The following PBXIP1 variants were observed in gnomAD, a reference collection of about 807,000 sequenced individuals.
PBXIP1 encodes PBX homeobox interacting protein 1, also known as pre-B-cell leukemia transcription factor-interacting protein 1.
PBXIP1 carries 73 observed loss-of-function variants against 73.7 expected under a neutral mutation model. The ratio of observed to expected loss-of-function variants is 0.99; its 90% CI spans 0.82 to 1.20. The LOEUF (loss-of-function observed/expected upper bound fraction) is 1.20, where lower values mean the gene tolerates loss of function less well. Among genes scored for constraint, PBXIP1 ranks in the 50% most tolerant of loss-of-function variants. The pLI is 0.00. For missense variants in PBXIP1, 818 were observed against 911.4 expected (o/e 0.90, Z 1.32); for synonymous variants, 330 against 366.9 (o/e 0.90, Z 1.15).
rs189822995 is a variant in PBXIP1, at chr1:154,944,141, T to C, written c.*883A>G. On this transcript the variant is annotated 3_prime_UTR_variant, in exon 11 of 11. Coordinates refer to ENST00000368463, the MANE Select transcript of PBXIP1 (RefSeq NM_020524.4). ...GCCCTTCCATCGCCTTTTTTGAGGA[T>C]AAGAAACCCAAAGTTCCCAGAGATT... 1.3e-5 allele frequency: 2 copies of C among 152,398 alleles called. No homozygotes were observed. Among genetic ancestry groups the C allele is most frequent in the African/African-American group, 4.8e-5 (2 of 41,556 alleles). 9.4% of individuals were successfully genotyped at this position (152,398 alleles called of 1,614,324 possible). A position where few individuals can be genotyped will look rare whatever the true frequency, so the allele number is the denominator to read the frequency against.
chr1:154,949,988 A>ATTTAT (rs575712181), intron 5 of PBXIP1, among the ~76,000 whole-genome samples: 3,277 of 151,138 alleles, frequency 0.022, 103 homozygotes, highest in African/African-American at 0.071. Flanking sequence ...TTTTATTTTT[A>ATTTAT]TTTATTTTAT....
intron 10 of PBXIP1, 43 bp downstream of exon 10, chr1:154,945,529 C>G (rs190014189): frequency 6.3e-7 from 1 of 1,575,082 alleles, no homozygotes; most frequent in East Asian, 2.2e-5. Flanking sequence ...ATCCTCCCGA[C>G]TGCCTCTGTC....
intron 9 of PBXIP1, chr1:154,947,179 A>T: frequency 1.6e-6 from 1 of 613,572 alleles, no homozygotes; most frequent in South Asian, 2.0e-5. Context: ...ACACCAATCA[A>T]TCACAGGTGA....
At position 154,946,007 on chromosome 1, in the gene PBXIP1, T is replaced by C. The variant is rs1379013982; in HGVS notation, c.1667A>G (p.Lys556Arg). 2 of 1,614,040 alleles carry C rather than the reference T, an allele frequency of 1.2e-6. No homozygotes were observed. The highest frequency in any genetic ancestry group is 2.7e-5 in the African/African-American group (2 of 74,938). ...AGTCCCTTCCCTCCACCGAGGTTGC[T>C]TCTGCTTTTCTCCAGAGGAGTGGAA... ...GSFHSSGEKQ[K>R]QPRWREGTKD... The change falls in exon 10 of 11, where the codon AAG becomes AGG. Residue 556 changes from lysine to arginine, a missense_variant. Transcript: ENST00000368463.
At chr1:154,953,809 A>G (rs1655088850) in intron 1 of PBXIP1, 52 bp from the exon 2 acceptor site, 1 of 1,205,514 alleles carries the variant, frequency 8.3e-7, no homozygotes, top group Non-Finnish European at 1.2e-6. Context: ...GAGGGGCAGA[A>G]TGCAGAAAGC....
chr1:154,945,502 TGA>T lies in PBXIP1; in HGVS notation c.2102+68_2102+69del, dbSNP rs1331992488. The T allele has an allele frequency of 3.8e-5, 56 of 1,468,724 alleles. No individual in the cohort carries two copies. In the East Asian group the frequency reaches 1.2e-3, roughly 32 times the overall value. 91.0% of individuals were successfully genotyped at this position (1,468,724 alleles called of 1,614,324 possible). A position where few individuals can be genotyped will look rare whatever the true frequency, so the allele number is the denominator to read the frequency against. ...CCAAAAGTAAGGATACTCAAACTAA[TGA>T]TCCTTGCTCTTCACATCCTCCCGAC... On this transcript the variant is annotated intron_variant, in intron 10 of 10. Coordinates refer to ENST00000368463, the MANE Select transcript of PBXIP1 (RefSeq NM_020524.4).
At position 154,953,696 on chromosome 1, in the gene PBXIP1, T is replaced by C; in HGVS notation, c.26A>G (p.Asn9Ser). The C allele has an allele frequency of 6.2e-7, 1 of 1,613,312 alleles. No homozygotes were observed. Residue 9 changes from asparagine to serine, a missense_variant, in exon 2 of 11, where the codon AAT (asparagine) becomes AGT (serine). Asn to Ser is a conservative substitution (Grantham distance 46). Transcript: ENST00000368463. ...CTCGGAGCCAGCAAGCACCCAGCTATTATCAGAGTCTGGGCAGGAGGCCAT... is the reference window on the plus strand; with the variant it reads ...CTCGGAGCCAGCAAGCACCCAGCTACTATCAGAGTCTGGGCAGGAGGCCAT... MASCPDSD[N>S]SWVLAGSESL...
At chr1:154,953,835 C>T (rs1374845345) in intron 1 of PBXIP1, 78 bp from the exon 2 acceptor site, 2 of 924,438 alleles carry the variant, frequency 2.2e-6, no homozygotes, top group African/African-American at 3.3e-5. Context: ...TGGCTGGGTT[C>T]CAAGGTTCAA....
rs765786223 is a variant in PBXIP1, at chr1:154,946,471, C to T, written c.1203G>A (p.Gln401=). 1.9e-6 allele frequency: 3 copies of T among 1,608,532 alleles called. No homozygotes were observed. The South Asian group carries it at 3.3e-5, about 18-fold the overall frequency. Reference sequence around the variant, plus strand: ...GCTGTACAGACCCCAGCAGCCGTCGCTGCCTCTCTAACTCTTGCCTTAATG... The same window carrying T: ...GCTGTACAGACCCCAGCAGCCGTCGTTGCCTCTCTAACTCTTGCCTTAATG... ...AQALRQELER[Q]RRLLGSVQQD... The change falls in exon 10 of 11, where the codon CAG becomes CAA. Residue 401 remains glutamine, a synonymous_variant. Coordinates refer to ENST00000368463, the MANE Select transcript of PBXIP1 (RefSeq NM_020524.4).
intron 7 of PBXIP1, 122 bp downstream of exon 7, chr1:154,947,860 G>T: frequency 7.3e-7 from 1 of 1,361,904 alleles, no homozygotes; most frequent in Non-Finnish European, 1.0e-6. Context: ...GGGGCACCCT[G>T]AACAGCTGAC....
rs1195020492 is a variant in PBXIP1, at chr1:154,952,036, C to T, written c.52-115G>A. 6.1e-6 allele frequency: 7 copies of T among 1,144,050 alleles called. No individual in the cohort carries two copies. The Admixed American group carries it at 8.0e-5, about 13-fold the overall frequency. 70.9% of individuals were successfully genotyped at this position (1,144,050 alleles called of 1,614,324 possible). A position where few individuals can be genotyped will look rare whatever the true frequency, so the allele number is the denominator to read the frequency against. On this transcript the variant is annotated intron_variant, in intron 2 of 10. Transcript: ENST00000368463. ...GCCCAAAAAGGGGCTCGGGGCAGCACCAAGTGCTCGGCATTCCCCAGCCTC... is the reference window on the plus strand; with the variant it reads ...GCCCAAAAAGGGGCTCGGGGCAGCATCAAGTGCTCGGCATTCCCCAGCCTC...
At position 154,947,404 on chromosome 1, in the gene PBXIP1, TGCCTGTGCCCACCTGCAGCTGG is replaced by T; in HGVS notation, c.861_870+12del. 6.2e-7 allele frequency: 1 copy of T among 1,614,000 alleles called. No individual in the cohort carries two copies. The highest frequency in any genetic ancestry group is 8.5e-7 in the Non-Finnish European group (1 of 1,179,934). On this transcript the variant is annotated splice_donor_variant and splice_donor_5th_base_variant and coding_sequence_variant and intron_variant, in exon 9 of 11. Transcript: ENST00000368463. LOFTEE classifies it high-confidence loss of function. Reference sequence around the variant, plus strand: ...TGGGTTACCCTAGCCCAGCCCCTCCTGCCTGTGCCCACCTGCAGCTGGGCCTGCAGCAGCCGGATGTCCTGGT... The same window carrying T: ...TGGGTTACCCTAGCCCAGCCCCTCCTGCCTGCAGCAGCCGGATGTCCTGGT...
At position 154,951,670 on chromosome 1, in the gene PBXIP1, T is replaced by C. The variant is rs1011524947; in HGVS notation, c.178+125A>G. 4.9e-6 allele frequency: 7 copies of C among 1,417,864 alleles called. No homozygotes were observed. The highest frequency in any genetic ancestry group is 6.9e-6 in the Non-Finnish European group (7 of 1,011,900). 87.8% of individuals were successfully genotyped at this position (1,417,864 alleles called of 1,614,324 possible). A position where few individuals can be genotyped will look rare whatever the true frequency, so the allele number is the denominator to read the frequency against. ...CCAGGATGGAATGAGAAAAGGAGTTTGTCAACTGAGATTAATGGAGGAACT... is the reference window on the plus strand; with the variant it reads ...CCAGGATGGAATGAGAAAAGGAGTTCGTCAACTGAGATTAATGGAGGAACT... On this transcript the variant is annotated intron_variant, in intron 3 of 10. Transcript: ENST00000368463. The surrounding 1 kb of genome is among the most constrained non-coding windows in gnomAD (Gnocchi z 4.3).
rs781106340 is a variant in PBXIP1 at position 154,946,851 on chromosome 1, G to T, written c.871-48C>A. ...GGAAGTCACAAAGAGTTCTTGTCAG[G>T]ATAGCCCCAATGCCTTCTACCCCAA... On this transcript the variant is annotated intron_variant, in intron 9 of 10. Coordinates refer to ENST00000368463, the MANE Select transcript of PBXIP1 (RefSeq NM_020524.4). 8 of 1,496,522 alleles carry T rather than the reference G, an allele frequency of 5.3e-6. No individual in the cohort carries two copies. In the South Asian group the frequency reaches 9.8e-5, roughly 18 times the overall value. The allele number at this position is 1,496,522 out of a possible 1,614,324, so 92.7% of individuals were successfully genotyped here.
intron 5 of PBXIP1, among the ~76,000 whole-genome samples, chr1:154,948,636 T>C (rs1246572341): frequency 2.6e-5 from 4 of 152,178 alleles, no homozygotes; most frequent in Admixed American, 1.3e-4. Context: ...CAGTGTGCGC[T>C]GTGCATCAAA....
chr1:154,946,635 G>A lies in PBXIP1; in HGVS notation c.1039C>T (p.Arg347Trp), dbSNP rs752030061. ...RLQGLEADCV[R>W]GPDGVCLSGG... ...CTGAGGCACACCCCATCTGGGCCCCGGACACAGTCGGCCTCCAGCCCCTGG... is the reference window on the plus strand; with the variant it reads ...CTGAGGCACACCCCATCTGGGCCCCAGACACAGTCGGCCTCCAGCCCCTGG... The change falls in exon 10 of 11, where the codon CGG (arginine) becomes TGG (tryptophan). Residue 347 changes from arginine to tryptophan, a missense_variant. Physicochemically the swap from Arg to Trp is moderately radical, Grantham distance 101. Coordinates refer to ENST00000368463, the MANE Select transcript of PBXIP1 (RefSeq NM_020524.4). 1.3e-5 allele frequency: 21 copies of A among 1,612,062 alleles called. No homozygotes were observed. Among genetic ancestry groups the A allele is most frequent in the African/African-American group, 2.7e-5 (2 of 74,922 alleles).
At position 154,951,434 on chromosome 1, in the gene PBXIP1, C is replaced by T; in HGVS notation, c.243+37G>A. 6.2e-7 allele frequency: 1 copy of T among 1,614,060 alleles called. No homozygotes were observed. Among genetic ancestry groups the T allele is most frequent in the Non-Finnish European group, 8.5e-7 (1 of 1,179,934 alleles). The stretch of plus-strand genomic sequence containing the variant: ...GCAGCAGTGAGCAGCTGCTAGCCCT[C>T]CCCGCCTCCCTTCCTTCCCACAGCA... On this transcript the variant is annotated intron_variant, in intron 4 of 10. Coordinates refer to ENST00000368463, the MANE Select transcript of PBXIP1 (RefSeq NM_020524.4). This position sits in a 1 kb window ranked among gnomAD's most constrained non-coding sequence, Gnocchi z 4.3.
intron 1 of PBXIP1, chr1:154,954,956 T>A: frequency 1.0e-6 from 1 of 984,686 alleles, no homozygotes; most frequent in Non-Finnish European, 1.2e-6. Flanking sequence ...CAGTTCTACC[T>A]TTGAAACCAA....
intron 9 of PBXIP1, chr1:154,947,113 T>C (rs1417621493): frequency 6.7e-6 from 4 of 597,076 alleles, no homozygotes; most frequent in African/African-American, 3.7e-5. Context: ...TGTTAACTGA[T>C]CATGGCACCT....
Sources: gnomAD v4.1 joint callset for allele counts (sites outside exome capture counted in the v4.1 genomes callset) on GRCh38, gnomAD v4.1.1 for gene constraint, Gnocchi (gnomAD v3.1) non-coding constraint, MANE v1.5 for transcripts, NCBI Gene and HGNC (gene_info 2026-07-23, HGNC 2026-07-21) for gene names.